ZBTB46: variants seen among roughly 807,000 people sequenced by gnomAD.
ZBTB46 encodes zinc finger and BTB domain containing 46.
ZBTB46 carries 8 observed loss-of-function variants against 44.1 expected under a neutral mutation model. The ratio of observed to expected loss-of-function variants is 0.18; its 90% CI spans 0.11 to 0.33. The LOEUF is 0.33. ZBTB46 is among the 10% of genes least tolerant of loss of function. ZBTB46 has a pLI of 1.00. For synonymous variants in ZBTB46, 409 were observed against 382.3 expected, an observed-to-expected ratio of 1.07 and a Z score of -0.81; for missense variants, 651 against 847.7, an observed-to-expected ratio of 0.77 and a Z score of 2.88.
chr20:63,802,927 T>C (rs1319814829), intron 1 of ZBTB46, among the ~76,000 whole-genome samples: 1 of 152,192 alleles, frequency 6.6e-6, no homozygotes, highest in Admixed American at 6.5e-5. Context: ...CCTCCAGGAC[T>C]GGAGGGAACA....
chr20:63,794,189 CAAAA>C (rs574998605), intron 1 of ZBTB46, among the ~76,000 whole-genome samples: 1 of 108,660 alleles, frequency 9.2e-6, no homozygotes, highest in African/African-American at 3.4e-5. Flanking sequence ...GACTCCGTCT[CAAAA>C]AAAAAAAAAA....
intron 2 of ZBTB46, among the ~76,000 whole-genome samples, chr20:63,786,234 G>A (rs1362022036): frequency 2.0e-5 from 3 of 152,202 alleles, no homozygotes; most frequent in Non-Finnish European, 4.4e-5. Context: ...ACAGTTACAA[G>A]CAGATGGAAA....
chr20:63,761,561 A>C (rs1414666491), intron 3 of ZBTB46, among the ~76,000 whole-genome samples: 1 of 152,000 alleles, frequency 6.6e-6, no homozygotes, highest in Non-Finnish European at 1.5e-5. Flanking sequence ...AGGCAGGTGG[A>C]TCACAAGGTC....
upstream of ZBTB46, among the ~76,000 whole-genome samples, chr20:63,831,844 C>T (rs2092854084): frequency 6.6e-6 from 1 of 151,772 alleles, no homozygotes. Context: ...TCCCCCAGCC[C>T]GGCCGGGCAT....
chr20:63,793,147 C>T (rs940634293), intron 1 of ZBTB46, among the ~76,000 whole-genome samples: 4 of 152,348 alleles, frequency 2.6e-5, no homozygotes, highest in Admixed American at 6.5e-5. Context: ...GCTGCCTCAA[C>T]GGCGGCAGAG....
At chr20:63,810,616 C>T (rs936597900) in intron 1 of ZBTB46, among the ~76,000 whole-genome samples, 4 of 152,056 alleles carry the variant, frequency 2.6e-5, no homozygotes, top group African/African-American at 7.2e-5. Flanking sequence ...CGTGGTGGCA[C>T]GCACCTATAA....
chr20:63,774,559 G>GA (rs1430833875), intron 3 of ZBTB46, among the ~76,000 whole-genome samples: 2 of 152,138 alleles, frequency 1.3e-5, no homozygotes, highest in Non-Finnish European at 2.9e-5. Context: ...AGAGAAACGG[G>GA]AGGCGCCTCA....
intron 2 of ZBTB46, among the ~76,000 whole-genome samples, chr20:63,779,639 C>A (rs1204005160): frequency 6.6e-6 from 1 of 151,992 alleles, no homozygotes; most frequent in Non-Finnish European, 1.5e-5. Flanking sequence ...CCAAGATGGT[C>A]TCGATCTCTT....
intron 1 of ZBTB46, among the ~76,000 whole-genome samples, chr20:63,818,822 A>C (rs1196167654): frequency 6.8e-6 from 1 of 147,166 alleles, no homozygotes; most frequent in East Asian, 2.0e-4. Flanking sequence ...CAGTGAGCCG[A>C]GATCGCGCCA....
In ZBTB46 at chr20:63,767,091, G is replaced by A. The variant is rs764561102; in HGVS notation, c.1222+8587C>T. ...AGGACGGGCAAGGGCACCGCGGGGC[G>A]CTCTTTCTGAAAAGCAGCACATTCC... On this transcript the variant is annotated intron_variant, in intron 3 of 4. Coordinates refer to ENST00000245663, the MANE Select transcript of ZBTB46 (RefSeq NM_001369741.1). This position sits in a 1 kb window ranked among gnomAD's most constrained non-coding sequence, Gnocchi z 5.0. Among the ~76,000 whole-genome samples the A allele has an allele frequency of 2.6e-5, 4 of 152,334 alleles. No individual in the cohort carries two copies. The highest frequency in any genetic ancestry group is 6.8e-3 in the Middle Eastern group (2 of 292).
chr20:63,747,378 AGGT>A, intron 4 of ZBTB46, 77 bp from the exon 5 acceptor site: 3 of 73,454 alleles, frequency 4.1e-5, no homozygotes, highest in African/African-American at 4.7e-4. Context: ...GGCCTGGTGG[AGGT>A]GGGGGGGGCA....
chr20:63,809,328 C>T (rs67416152), intron 1 of ZBTB46, among the ~76,000 whole-genome samples: 27,131 of 152,156 alleles, frequency 0.18, 2,928 homozygotes, highest in East Asian at 0.45. Context: ...TGGGGTTCGG[C>T]ACAGGCCTGC....
intron 3 of ZBTB46, among the ~76,000 whole-genome samples, chr20:63,759,784 T>G (rs1244415395): frequency 1.3e-5 from 2 of 152,212 alleles, no homozygotes; most frequent in Non-Finnish European, 1.5e-5. Context: ...CTTTTTTTTT[T>G]GTAGATACTT....
At position 63,767,925 on chromosome 20, in the gene ZBTB46, A is replaced by G; in HGVS notation, c.1222+7753T>C. The stretch of plus-strand genomic sequence containing the variant: ...AGAAACCCACCCTCATGCCAGCGGG[A>G]GCCAACTCTGGAAGAGGACTGCTCC... On this transcript the variant is annotated intron_variant, in intron 3 of 4. Coordinates refer to ENST00000245663, the MANE Select transcript of ZBTB46 (RefSeq NM_001369741.1). This position sits in a 1 kb window ranked among gnomAD's most constrained non-coding sequence, Gnocchi z 5.0. 1.0e-6 allele frequency: 1 copy of G among 985,450 alleles called. No individual in the cohort carries two copies. The highest frequency in any genetic ancestry group is 1.7e-5 in the African/African-American group (1 of 57,372). The allele number at this position is 985,450 out of a possible 1,614,324, so 61.0% of individuals were successfully genotyped here.
intron 1 of ZBTB46, among the ~76,000 whole-genome samples, chr20:63,823,858 T>TTGTGTGTGTGTGTGTGTG (rs11474683): frequency 0.059 from 8,578 of 144,624 alleles, 344 homozygotes; most frequent in Middle Eastern, 0.12. Context: ...TCTAGGAACC[T>TTGTGTGTGTGTGTGTGTG]TGTGTGTGTG....
chr20:63,807,720 CT>C (rs2092690285), intron 1 of ZBTB46, among the ~76,000 whole-genome samples: 1 of 152,260 alleles, frequency 6.6e-6, no homozygotes, highest in Admixed American at 6.5e-5. Context: ...TAACCAGTTA[CT>C]TTTTGCTTAA....
intron 1 of ZBTB46, among the ~76,000 whole-genome samples, chr20:63,827,593 C>T (rs1345270824): frequency 7.2e-6 from 1 of 139,524 alleles, no homozygotes; most frequent in Admixed American, 7.7e-5. Context: ...CCGGCCTGGG[C>T]GACAGAGCGA....
At chr20:63,827,277 G>A (rs1374084157) in intron 1 of ZBTB46, among the ~76,000 whole-genome samples, 2 of 152,196 alleles carry the variant, frequency 1.3e-5, no homozygotes, top group East Asian at 3.8e-4. Context: ...AGGAAACCCC[G>A]AGTGTCTCCG....
At chr20:63,789,568 CGT>C (rs1233204796) in intron 2 of ZBTB46, among the ~76,000 whole-genome samples, 11 of 152,332 alleles carry the variant, frequency 7.2e-5, no homozygotes, top group Admixed American at 7.2e-4. Context: ...AGGCAGCCCC[CGT>C]GTGTGGGTGA....
Sources: allele counts gnomAD v4.1 joint callset (sites outside exome capture counted in the v4.1 genomes callset), GRCh38; gene constraint gnomAD v4.1.1; non-coding constraint Gnocchi (gnomAD v3.1); transcripts MANE v1.5; gene names NCBI Gene and HGNC (gene_info 2026-07-23, HGNC 2026-07-21).